GSG1L: variants seen among roughly 807,000 people sequenced by gnomAD.
GSG1L encodes the protein germ cell-specific gene 1-like protein.
Under a neutral mutation model 42.1 loss-of-function variants are expected in GSG1L, and 24 were observed. The ratio of observed to expected loss-of-function variants is 0.57; its 90% confidence interval spans 0.41 to 0.80. The LOEUF is 0.80. GSG1L is among the 30% of genes least tolerant of loss of function. GSG1L has a pLI of 0.00. For synonymous variants in GSG1L, 215 were observed against 203.5 expected (o/e 1.06, Z -0.48); for missense variants, 445 against 472.2 (o/e 0.94, Z 0.53).
intron 1 of GSG1L, among the ~76,000 whole-genome samples, chr16:28,001,193 G>C (rs2085574797): frequency 6.6e-6 from 1 of 152,126 alleles, no homozygotes; most frequent in African/African-American, 2.4e-5. Context: ...CTGGGATCCT[G>C]GACTTTATCT....
intron 5 of GSG1L, among the ~76,000 whole-genome samples, chr16:27,809,317 T>A (rs1408917573): frequency 6.6e-6 from 1 of 152,054 alleles, no homozygotes; most frequent in Non-Finnish European, 1.5e-5. Flanking sequence ...GCAGGAGGAT[T>A]GCTTGAGCCC....
chr16:27,816,816 C>T (rs1383104953), intron 5 of GSG1L, among the ~76,000 whole-genome samples: 2 of 152,106 alleles, frequency 1.3e-5, no homozygotes, highest in African/African-American at 4.8e-5. Flanking sequence ...CGAGTTTCCA[C>T]GGTACCCTGC....
At chr16:27,901,480 T>C (rs1236812719) in intron 2 of GSG1L, among the ~76,000 whole-genome samples, 1 of 152,206 alleles carries the variant, frequency 6.6e-6, no homozygotes, top group Non-Finnish European at 1.5e-5. Context: ...AACATCCAGG[T>C]TAACCAACTC....
In GSG1L at chr16:28,007,522, G is replaced by T. The variant is rs919772211; in HGVS notation, c.350-44319C>A. Among the ~76,000 whole-genome samples the T allele has an allele frequency of 2.7e-5, 4 of 149,668 alleles. 1 individual carries two copies. Among genetic ancestry groups the T allele is most frequent in the Admixed American group, 2.0e-4 (3 of 15,012 alleles). Reference sequence around the variant, plus strand: ...TGGTTGGTTGGTTGGTTGGTGGTTGGTTGGTTTTGAGACAGGATCTTGCTC... The same window carrying T: ...TGGTTGGTTGGTTGGTTGGTGGTTGTTTGGTTTTGAGACAGGATCTTGCTC... On this transcript the variant is annotated intron_variant, in intron 1 of 6. Coordinates refer to ENST00000447459, the MANE Select transcript of GSG1L (RefSeq NM_001109763.2).
chr16:27,858,884 G>C (rs964680381), intron 3 of GSG1L, among the ~76,000 whole-genome samples: 30 of 152,224 alleles, frequency 2.0e-4, no homozygotes, highest in Non-Finnish European at 3.2e-4. Context: ...GATTGAGTCA[G>C]TTAGTTTAGC....
At chr16:27,904,924 C>T (rs1460654306) in intron 2 of GSG1L, among the ~76,000 whole-genome samples, 2 of 152,318 alleles carry the variant, frequency 1.3e-5, no homozygotes, top group South Asian at 2.1e-4. Context: ...AAGCCACAGC[C>T]GCAGCCGACA....
chr16:27,904,164 C>T (rs1596601012), intron 2 of GSG1L, among the ~76,000 whole-genome samples: 1 of 152,286 alleles, frequency 6.6e-6, no homozygotes, highest in East Asian at 1.9e-4. Context: ...AATTCCTGGG[C>T]TCAAGCAATC....
Position 27,884,393 on chromosome 16 carries a change from A to G in GSG1L, c.550+93T>C, listed in dbSNP as rs147620292. On this transcript the variant is annotated intron_variant, in intron 3 of 6. Coordinates refer to ENST00000447459, the MANE Select transcript of GSG1L (RefSeq NM_001109763.2). This position sits in a 1 kb window ranked among gnomAD's most constrained non-coding sequence, Gnocchi z 4.4. ...TCACAGAAGAGAAGCAATTTGTCCA[A>G]TGCCTCCCGGTTGGTACAACCAGGG... The G allele has an allele frequency of 8.8e-3, 10,660 of 1,209,860 alleles. 71 individuals are homozygous for G. Among genetic ancestry groups the G allele is most frequent in the Non-Finnish European group, 0.011 (9,715 of 881,694 alleles). 74.9% of individuals were successfully genotyped at this position (1,209,860 alleles called of 1,614,324 possible).
intron 3 of GSG1L, among the ~76,000 whole-genome samples, chr16:27,846,736 C>T (rs566306023): frequency 4.6e-5 from 7 of 152,174 alleles, no homozygotes; most frequent in East Asian, 3.9e-4. Context: ...ATGCGGATCA[C>T]GAGGTCAGGA....
intron 1 of GSG1L, among the ~76,000 whole-genome samples, chr16:28,060,078 C>T (rs922432275): frequency 6.6e-6 from 1 of 151,192 alleles, no homozygotes; most frequent in Non-Finnish European, 1.5e-5. Flanking sequence ...GGTTGGTGTT[C>T]GCATTTGGAT....
At chr16:27,925,412 G>A (rs1389246906) in intron 2 of GSG1L, among the ~76,000 whole-genome samples, 2 of 152,158 alleles carry the variant, frequency 1.3e-5, no homozygotes, top group Non-Finnish European at 2.9e-5. Context: ...GGGGTGGAAG[G>A]CGAGGCTAGG....
In GSG1L at chr16:28,020,954, C is replaced by T. The variant is rs980398332; in HGVS notation, c.349+42122G>A. Among the ~76,000 whole-genome samples, 3 of 152,172 alleles carry T rather than the reference C, an allele frequency of 2.0e-5. No homozygotes were observed. The East Asian group carries it at 5.8e-4, about 29-fold the overall frequency. On this transcript the variant is annotated intron_variant, in intron 1 of 6. Coordinates refer to ENST00000447459, the MANE Select transcript of GSG1L (RefSeq NM_001109763.2). ...GCAGCCTCCTGAGAGACCCCCAACC[C>T]AGAACTGCCCACCAAACTACTCCCA...
In GSG1L at chr16:27,880,576, T is replaced by C. The variant is rs140345939; in HGVS notation, c.550+3910A>G. ...TGGATTGTTTATCTGCCTGGAATTA[T>C]GGAGACAATCGTATTTGCTTTCACA... On this transcript the variant is annotated intron_variant, in intron 3 of 6. Coordinates refer to ENST00000447459, the MANE Select transcript of GSG1L (RefSeq NM_001109763.2). Among the ~76,000 whole-genome samples the C allele has an allele frequency of 2.5e-3, 383 of 152,266 alleles. 3 individuals carry two copies. The highest frequency in any genetic ancestry group is 0.01 in the Middle Eastern group (3 of 294).
At chr16:27,798,015 T>A (rs2082839748) in intron 6 of GSG1L, among the ~76,000 whole-genome samples, 1 of 151,796 alleles carries the variant, frequency 6.6e-6, no homozygotes, top group South Asian at 2.1e-4. Context: ...TACCAGAAAC[T>A]GGGTGCTCCA....
intron 2 of GSG1L, among the ~76,000 whole-genome samples, chr16:27,899,825 G>T (rs566251415): frequency 2.6e-4 from 39 of 152,334 alleles, no homozygotes; most frequent in Non-Finnish European, 4.8e-4. Context: ...GAGGAGAACA[G>T]ATTCTGTCTT....
chr16:27,935,951 C>T (rs575874580), intron 2 of GSG1L, among the ~76,000 whole-genome samples: 57 of 150,148 alleles, frequency 3.8e-4, no homozygotes, highest in Admixed American at 8.7e-4. Flanking sequence ...CAACCCGATC[C>T]GTATCTCAAG....
At chr16:28,026,846 C>A (rs1408373301) in intron 1 of GSG1L, among the ~76,000 whole-genome samples, 1 of 152,176 alleles carries the variant, frequency 6.6e-6, no homozygotes. Flanking sequence ...CTTTGGGAGG[C>A]TGAGGTGGAT....
chr16:27,792,663 G>A (rs934983045), intron 6 of GSG1L, among the ~76,000 whole-genome samples: 1 of 152,072 alleles, frequency 6.6e-6, no homozygotes, highest in African/African-American at 2.4e-5. Context: ...CCCACCCTCA[G>A]CGCACACTCT....
chr16:27,874,045 C>A (rs1198268420), intron 3 of GSG1L, among the ~76,000 whole-genome samples: 1 of 152,152 alleles, frequency 6.6e-6, no homozygotes, highest in Admixed American at 6.5e-5. Context: ...GAGCAGGTGA[C>A]AGCTCAGCTG....
Sources: allele counts gnomAD v4.1 joint callset (sites outside exome capture counted in the v4.1 genomes callset), GRCh38; gene constraint gnomAD v4.1.1; non-coding constraint Gnocchi (gnomAD v3.1); transcripts MANE v1.5; gene names NCBI Gene and HGNC (gene_info 2026-07-23, HGNC 2026-07-21).